FAM167B: variants seen among roughly 807,000 people sequenced by gnomAD.
FAM167B encodes the protein family with sequence similarity 167 member B, also known as protein FAM167B.
A neutral mutation model predicts 15.4 loss-of-function variants in FAM167B; 7 were observed. The observed-to-expected ratio is 0.46, with a 90% CI of 0.26 to 0.86. The LOEUF (loss-of-function observed/expected upper bound fraction) is 0.86. FAM167B is among the 40% of genes least tolerant of loss of function. The pLI is 0.17. For missense variants in FAM167B, 207 were observed against 208.3 expected, an observed-to-expected ratio of 0.99 and a Z score of 0.04; for synonymous variants, 100 against 94.6, an observed-to-expected ratio of 1.06 and a Z score of -0.33.
intron 1 of FAM167B, 80 bp downstream of exon 1, chr1:32,247,762 A>C (rs1442679917): frequency 7.4e-7 from 1 of 1,357,612 alleles, no homozygotes; most frequent in Non-Finnish European, 9.7e-7. Flanking sequence ...AGGCATGGGG[A>C]AGGGATGAGA....
At chr1:32,247,938 G>C (rs892985248) in intron 1 of FAM167B, among the ~76,000 whole-genome samples, 1 of 152,220 alleles carries the variant, frequency 6.6e-6, no homozygotes, top group African/African-American at 2.4e-5. Context: ...GTGTTGGGGG[G>C]TGTGGGGCAC....
At position 32,248,500 on chromosome 1, in the gene FAM167B, C is replaced by A. The variant is rs1639438203; in HGVS notation, c.391C>A (p.Leu131Met). 1 of 1,586,438 alleles carries A rather than the reference C, an allele frequency of 6.3e-7. No homozygotes were observed. The highest frequency in any genetic ancestry group is 1.8e-5 in the Admixed American group (1 of 54,688). ...GCTGCTGGATGAGGCCGAGCTGGAG[C>A]TGGAGCTGGAGCCCGGGGCCGGCCT... ...QELLDEAELE[L>M]ELEPGAGLAL... Residue 131 changes from leucine to methionine, a missense_variant, in exon 2 of 2, where the codon CTG becomes ATG. By Grantham distance (15) the Leu-to-Met change is conservative (BLOSUM62 2). Coordinates refer to ENST00000373582, the MANE Select transcript of FAM167B (RefSeq NM_032648.3).
intron 1 of FAM167B, 66 bp from the exon 2 acceptor site, chr1:32,248,305 A>G (rs1001462083): frequency 1.5e-6 from 2 of 1,364,940 alleles, no homozygotes; most frequent in Non-Finnish European, 2.0e-6. Flanking sequence ...CAGCGTTGCC[A>G]GGAAGGGAGA....
Position 32,247,476 on chromosome 1 carries a change from G to T in FAM167B, c.55G>T (p.Glu19Ter), listed in dbSNP as rs1457136169. The change falls in exon 1 of 2, where the codon GAG (glutamate) becomes TAG (stop). Residue 19 changes from glutamate to a stop codon, truncating the protein, a stop_gained. Coordinates refer to ENST00000373582, the MANE Select transcript of FAM167B (RefSeq NM_032648.3). LOFTEE classifies it high-confidence loss of function. Reference protein sequence around the residue: ...QAVGEEDEEDEEGESLDSVKA... With the variant: ...QAVGEEDEED ...AGTGGGTGAAGAGGACGAGGAGGAT[G>T]AGGAGGGGGAGAGCCTGGACTCTGT... The T allele has an allele frequency of 4.4e-6, 7 of 1,600,184 alleles. No homozygotes were observed. In the East Asian group the frequency reaches 1.4e-4, roughly 31 times the overall value.
rs1403516511 is a variant in FAM167B at position 32,247,679 on chromosome 1, G to A, written c.258G>A (p.Glu86=). The change falls in exon 1 of 2, where the codon GAG becomes GAA. Residue 86 remains glutamate, a synonymous_variant. Coordinates refer to ENST00000373582, the MANE Select transcript of FAM167B (RefSeq NM_032648.3). The part of the protein sequence containing the change: ...MDSALEWLRR[E]LREMQAQDRQ... Reference sequence around the variant, plus strand: ...CCGCCCTTGAGTGGCTCCGACGGGAGCTGGTGAGTCTGGTGGGGTGGGCAG... The same window carrying A: ...CCGCCCTTGAGTGGCTCCGACGGGAACTGGTGAGTCTGGTGGGGTGGGCAG... 6.8e-7 allele frequency: 1 copy of A among 1,467,468 alleles called. No homozygotes were observed. Among genetic ancestry groups the A allele is most frequent in the Admixed American group, 2.5e-5 (1 of 40,100 alleles). 90.9% of individuals were successfully genotyped at this position (1,467,468 alleles called of 1,614,324 possible). A position where few individuals can be genotyped will look rare whatever the true frequency, so the allele number is the denominator to read the frequency against.
At position 32,248,431 on chromosome 1, in the gene FAM167B, C is replaced by A. The variant is rs1245135287; in HGVS notation, c.322C>A (p.Leu108Met). 2 of 1,603,424 alleles carry A rather than the reference C, an allele frequency of 1.2e-6. No homozygotes were observed. The highest frequency in any genetic ancestry group is 1.7e-6 in the Non-Finnish European group (2 of 1,177,836). ...AGQLLRLRAQLHRLKMDQACH... is the reference protein window; with the variant it reads ...AGQLLRLRAQMHRLKMDQACH... ...GCAGCTGCTGCGGCTGCGGGCCCAG[C>A]TGCACCGACTGAAGATGGACCAAGC... The change falls in exon 2 of 2, where the codon CTG becomes ATG. Residue 108 changes from leucine to methionine, a missense_variant. Leu to Met is a conservative substitution (Grantham distance 15). Transcript: ENST00000373582.
chr1:32,248,318 C>T, intron 1 of FAM167B, 53 bp from the exon 2 acceptor site: 3 of 1,448,588 alleles, frequency 2.1e-6, no homozygotes, highest in Admixed American at 2.3e-5. Flanking sequence ...AAGGGAGAAA[C>T]GGCGCGCGGC....
Position 32,248,429 on chromosome 1 carries a change from A to C in FAM167B, c.320A>C (p.Gln107Pro). Residue 107 changes from glutamine (Q) to proline (P), a missense_variant, in exon 2 of 2, where the codon CAG becomes CCG. Coordinates refer to ENST00000373582, the MANE Select transcript of FAM167B (RefSeq NM_032648.3). The stretch of plus-strand genomic sequence containing the variant: ...GGGCAGCTGCTGCGGCTGCGGGCCC[A>C]GCTGCACCGACTGAAGATGGACCAA... ...LAGQLLRLRA[Q>P]LHRLKMDQAC... 1 of 1,603,082 alleles carries C rather than the reference A, an allele frequency of 6.2e-7. No homozygotes were observed. Among genetic ancestry groups the C allele is most frequent in the Non-Finnish European group, 8.5e-7 (1 of 1,177,810 alleles).
chr1:32,248,415 G>T lies in FAM167B; in HGVS notation c.306G>T (p.Leu102=). The change falls in exon 2 of 2, where the codon CTG becomes CTT. Residue 102 remains leucine, a synonymous_variant. Coordinates refer to ENST00000373582, the MANE Select transcript of FAM167B (RefSeq NM_032648.3). ...ACAGGCAGCTGGCAGGGCAGCTGCTGCGGCTGCGGGCCCAGCTGCACCGAC... is the reference window on the plus strand; with the variant it reads ...ACAGGCAGCTGGCAGGGCAGCTGCTTCGGCTGCGGGCCCAGCTGCACCGAC... ...AQDRQLAGQL[L]RLRAQLHRLK... 6.3e-7 allele frequency: 1 copy of T among 1,599,114 alleles called. No individual in the cohort carries two copies. Among genetic ancestry groups the T allele is most frequent in the Admixed American group, 1.7e-5 (1 of 58,360 alleles).
In FAM167B at chr1:32,247,688, T is replaced by G; in HGVS notation, c.261+6T>G. The G allele has an allele frequency of 6.9e-7, 1 of 1,457,552 alleles. No homozygotes were observed. The highest frequency in any genetic ancestry group is 9.1e-7 in the Non-Finnish European group (1 of 1,101,814). 90.3% of individuals were successfully genotyped at this position (1,457,552 alleles called of 1,614,324 possible). On this transcript the variant is annotated splice_donor_region_variant and intron_variant, in intron 1 of 1. Coordinates refer to ENST00000373582, the MANE Select transcript of FAM167B (RefSeq NM_032648.3). ...AGTGGCTCCGACGGGAGCTGGTGAG[T>G]CTGGTGGGGTGGGCAGCTTTGCCCA...
Position 32,248,353 on chromosome 1 carries a change from G to A in FAM167B, c.262-18G>A. ...CCGAGGGCCTGTCCAGTAGGCTCAC[G>A]CCCCCTCTCGGCCGCAGCGGGAGAT... On this transcript the variant is annotated intron_variant, in intron 1 of 1. Transcript: ENST00000373582. 1 of 1,544,306 alleles carries A rather than the reference G, an allele frequency of 6.5e-7. No individual in the cohort carries two copies. Among genetic ancestry groups the A allele is most frequent in the South Asian group, 1.2e-5 (1 of 83,468 alleles).
At position 32,248,809 on chromosome 1, in the gene FAM167B, G is replaced by A; in HGVS notation, c.*208G>A. ...GACCCAGCTGGGAGGGGGAGGAGGAGGAGCTCACACCCTCAAACTCCTCAA... is the reference window on the plus strand; with the variant it reads ...GACCCAGCTGGGAGGGGGAGGAGGAAGAGCTCACACCCTCAAACTCCTCAA... On this transcript the variant is annotated 3_prime_UTR_variant, in exon 2 of 2. Coordinates refer to ENST00000373582, the MANE Select transcript of FAM167B (RefSeq NM_032648.3). 2 of 596,956 alleles carry A rather than the reference G, an allele frequency of 3.4e-6. No individual in the cohort carries two copies. The highest frequency in any genetic ancestry group is 5.9e-6 in the Non-Finnish European group (2 of 337,904). The allele number at this position is 596,956 out of a possible 1,614,324, so 37.0% of individuals were successfully genotyped here. A position where few individuals can be genotyped will look rare whatever the true frequency, so the allele number is the denominator to read the frequency against.
intron 1 of FAM167B, 52 bp downstream of exon 1, chr1:32,247,734 C>G: frequency 1.4e-6 from 2 of 1,437,402 alleles, no homozygotes; most frequent in Non-Finnish European, 1.8e-6. Context: ...GCTGGTCCTC[C>G]TTAGGGTCCA....
chr1:32,247,497 T>C lies in FAM167B; in HGVS notation c.76T>C (p.Ser26Pro), dbSNP rs774385135. The C allele has an allele frequency of 2.5e-6, 4 of 1,607,006 alleles. No homozygotes were observed. In the South Asian group the frequency reaches 3.3e-5, roughly 13 times the overall value. ...GGATGAGGAGGGGGAGAGCCTGGAC[T>C]CTGTGAAGGCACTGACAGCCAAGCT... ...EEDEEGESLD[S>P]VKALTAKLQL... The change falls in exon 1 of 2, where the codon TCT (serine) becomes CCT (proline). Residue 26 changes from serine (S) to proline (P), a missense_variant. Coordinates refer to ENST00000373582, the MANE Select transcript of FAM167B (RefSeq NM_032648.3).
Position 32,248,825 on chromosome 1 carries a change from A to G in FAM167B, c.*224A>G, listed in dbSNP as rs1374664145. 8.6e-6 allele frequency: 5 copies of G among 582,318 alleles called. No individual in the cohort carries two copies. The highest frequency in any genetic ancestry group is 1.5e-5 in the Non-Finnish European group (5 of 328,758). 36.1% of individuals were successfully genotyped at this position (582,318 alleles called of 1,614,324 possible). ...GGAGGAGGAGGAGCTCACACCCTCA[A>G]ACTCCTCAATAAACGCTTTCTCTGG... On this transcript the variant is annotated 3_prime_UTR_variant, in exon 2 of 2. Transcript: ENST00000373582.
rs548088671 is a variant in FAM167B, at chr1:32,248,257, G to A, written c.262-114G>A. 1.4e-4 allele frequency: 116 copies of A among 827,470 alleles called. No individual in the cohort carries two copies. The Middle Eastern group carries it at 1.5e-3, about 11-fold the overall frequency. 51.3% of individuals were successfully genotyped at this position (827,470 alleles called of 1,614,324 possible). A position where few individuals can be genotyped will look rare whatever the true frequency, so the allele number is the denominator to read the frequency against. On this transcript the variant is annotated intron_variant, in intron 1 of 1. Coordinates refer to ENST00000373582, the MANE Select transcript of FAM167B (RefSeq NM_032648.3). ...AGATAGGGAGAGATCAAGCTGAGGT[G>A]AGAGGGGGCTGGGGAGGACACAGTC...
rs551437124 is a variant in FAM167B, at chr1:32,247,689, C to A, written c.261+7C>A. The A allele has an allele frequency of 4.1e-6, 6 of 1,458,918 alleles. No individual in the cohort carries two copies. Among genetic ancestry groups the A allele is most frequent in the Non-Finnish European group, 5.4e-6 (6 of 1,102,636 alleles). The allele number at this position is 1,458,918 out of a possible 1,614,324, so 90.4% of individuals were successfully genotyped here. ...GTGGCTCCGACGGGAGCTGGTGAGT[C>A]TGGTGGGGTGGGCAGCTTTGCCCAG... On this transcript the variant is annotated splice_region_variant and intron_variant, in intron 1 of 1. Transcript: ENST00000373582.
In FAM167B at chr1:32,248,424, G is replaced by C; in HGVS notation, c.315G>C (p.Arg105=). 1 of 1,602,236 alleles carries C rather than the reference G, an allele frequency of 6.2e-7. No homozygotes were observed. The highest frequency in any genetic ancestry group is 8.5e-7 in the Non-Finnish European group (1 of 1,177,542). The change falls in exon 2 of 2, where the codon CGG becomes CGC. Residue 105 remains arginine, a synonymous_variant. Transcript: ENST00000373582. Reference sequence around the variant, plus strand: ...TGGCAGGGCAGCTGCTGCGGCTGCGGGCCCAGCTGCACCGACTGAAGATGG... The same window carrying C: ...TGGCAGGGCAGCTGCTGCGGCTGCGCGCCCAGCTGCACCGACTGAAGATGG... ...RQLAGQLLRL[R]AQLHRLKMDQ...
chr1:32,248,828 T>G lies in FAM167B; in HGVS notation c.*227T>G. 1.7e-6 allele frequency: 1 copy of G among 575,034 alleles called. No homozygotes were observed. Among genetic ancestry groups the G allele is most frequent in the Non-Finnish European group, 3.1e-6 (1 of 325,070 alleles). The allele number at this position is 575,034 out of a possible 1,614,324, so 35.6% of individuals were successfully genotyped here. On this transcript the variant is annotated 3_prime_UTR_variant, in exon 2 of 2. Transcript: ENST00000373582. Reference sequence around the variant, plus strand: ...GGAGGAGGAGCTCACACCCTCAAACTCCTCAATAAACGCTTTCTCTGGTTC... The same window carrying G: ...GGAGGAGGAGCTCACACCCTCAAACGCCTCAATAAACGCTTTCTCTGGTTC...
Sources: gnomAD v4.1 joint callset for allele counts (sites outside exome capture counted in the v4.1 genomes callset) on GRCh38, gnomAD v4.1.1 for gene constraint, MANE v1.5 for transcripts, NCBI Gene and HGNC (gene_info 2026-07-23, HGNC 2026-07-21) for gene names.